XNDC1N: variants seen among roughly 807,000 people sequenced by gnomAD.
XNDC1N encodes protein XNDC1N.
chr11:71,905,271 G>A, the XNDC1N span, among the ~76,000 whole-genome samples: 144 of 151,346 alleles, frequency 9.5e-4, no homozygotes, highest in Non-Finnish European at 1.7e-3. Context: ...TGGATATTCC[G>A]AATGCTATCA....
At chr11:71,922,068 G>A in the XNDC1N span, among the ~76,000 whole-genome samples, 1 of 152,088 alleles carries the variant, frequency 6.6e-6, no homozygotes, top group African/African-American at 2.4e-5. Flanking sequence ...GCTGAGGCAG[G>A]AGAAACACTT....
chr11:71,918,221 C>A, the XNDC1N span, among the ~76,000 whole-genome samples: 1 of 152,170 alleles, frequency 6.6e-6, no homozygotes, highest in African/African-American at 2.4e-5. Flanking sequence ...TCGCACAGTT[C>A]ATCTCTCCAG....
At chr11:71,898,264 A>G in the XNDC1N span, among the ~76,000 whole-genome samples, 21 of 152,176 alleles carry the variant, frequency 1.4e-4, no homozygotes, top group East Asian at 9.6e-4. Flanking sequence ...AGGCCGCAAC[A>G]TGGATGAACC....
chr11:71,876,832 T>G, the XNDC1N span, among the ~76,000 whole-genome samples: 1 of 152,236 alleles, frequency 6.6e-6, no homozygotes, highest in Non-Finnish European at 1.5e-5. Flanking sequence ...AATGCTGGAT[T>G]CTTGATCAGA....
At chr11:71,885,787 T>C in the XNDC1N span, among the ~76,000 whole-genome samples, 1 of 151,948 alleles carries the variant, frequency 6.6e-6, no homozygotes, top group African/African-American at 2.4e-5. Context: ...TTAATATTAA[T>C]ATTAATTCTT....
the XNDC1N span, among the ~76,000 whole-genome samples, chr11:71,910,319 G>C: frequency 2.6e-5 from 4 of 152,288 alleles, 1 homozygote; most frequent in Admixed American, 2.6e-4. Flanking sequence ...TCACCTGCTT[G>C]GACCTGAAAG....
At chr11:71,907,487 G>A in the XNDC1N span, among the ~76,000 whole-genome samples, 23 of 151,974 alleles carry the variant, frequency 1.5e-4, no homozygotes, top group African/African-American at 5.3e-4. Context: ...CTGGCTCTTA[G>A]GATCCGCGGT....
At chr11:71,879,762 T>A in the XNDC1N span, among the ~76,000 whole-genome samples, 1 of 152,122 alleles carries the variant, frequency 6.6e-6, no homozygotes, top group African/African-American at 2.4e-5. Context: ...CTCCTCCCAG[T>A]CCCTAGCAAC....
At chr11:71,888,680 C>T in the XNDC1N span, among the ~76,000 whole-genome samples, 1 of 152,290 alleles carries the variant, frequency 6.6e-6, no homozygotes, top group South Asian at 2.1e-4. Context: ...AACTGCCCTG[C>T]TAGTACAAGA....
At chr11:71,907,886 C>T in the XNDC1N span, among the ~76,000 whole-genome samples, 1 of 152,124 alleles carries the variant, frequency 6.6e-6, no homozygotes, top group Non-Finnish European at 1.5e-5. Context: ...TGTACACTTC[C>T]TGTGATGTTG....
chr11:71,876,407 T>A, the XNDC1N span, among the ~76,000 whole-genome samples: 29 of 152,310 alleles, frequency 1.9e-4, no homozygotes, highest in Middle Eastern at 3.4e-3. Context: ...CTTTTGATGT[T>A]CATCTGGTAC....
the XNDC1N span, among the ~76,000 whole-genome samples, chr11:71,922,117 A>G: frequency 1.3e-5 from 2 of 152,168 alleles, no homozygotes; most frequent in Admixed American, 6.6e-5. Flanking sequence ...CCGAGATCAC[A>G]CCACTACACT....
At chr11:71,911,582 T>C in the XNDC1N span, among the ~76,000 whole-genome samples, 149 of 152,264 alleles carry the variant, frequency 9.8e-4, no homozygotes, top group African/African-American at 3.0e-3. Flanking sequence ...ATTGCTTTCA[T>C]TGGGGCCTTA....
chr11:71,914,682 T>C, the XNDC1N span, among the ~76,000 whole-genome samples: 1 of 150,052 alleles, frequency 6.7e-6, no homozygotes, highest in East Asian at 1.9e-4. Flanking sequence ...AGAGAGACTT[T>C]GTCTCGGGAA....
At chr11:71,891,996 T>C in the XNDC1N span, among the ~76,000 whole-genome samples, 15 of 151,954 alleles carry the variant, frequency 9.9e-5, no homozygotes, top group Non-Finnish European at 1.9e-4. Flanking sequence ...CCCAGTGATA[T>C]TGCGAATAAT....
chr11:71,920,147 G>A, the XNDC1N span, among the ~76,000 whole-genome samples: 6 of 146,364 alleles, frequency 4.1e-5, no homozygotes, highest in Non-Finnish European at 7.5e-5. Context: ...TTTTAGTAGA[G>A]ACGGGGTTTC....
chr11:71,873,139 C>T, the XNDC1N span, among the ~76,000 whole-genome samples: 8 of 146,560 alleles, frequency 5.5e-5, no homozygotes, highest in African/African-American at 2.2e-4. Context: ...TTGTTTATTG[C>T]CTCCTATTTT....
chr11:71,873,683 A>AAAACT, the XNDC1N span, among the ~76,000 whole-genome samples: 1 of 152,226 alleles, frequency 6.6e-6, no homozygotes, highest in Non-Finnish European at 1.5e-5. Context: ...GAAGAGCAAG[A>AAAACT]AAACTAATAC....
chr11:71,919,878 A>C, the XNDC1N span, among the ~76,000 whole-genome samples: 1 of 141,780 alleles, frequency 7.1e-6, no homozygotes, highest in African/African-American at 2.6e-5. Context: ...CGGCCTCCCA[A>C]AGTGCTGGGA....
Sources: gnomAD v4.1 joint callset for allele counts (sites outside exome capture counted in the v4.1 genomes callset) on GRCh38, gnomAD v4.1.1 for gene constraint, MANE v1.5 for transcripts, NCBI Gene and HGNC (gene_info 2026-07-23, HGNC 2026-07-21) for gene names.